The following CADPS2 variants were observed in gnomAD, a reference collection of about 807,000 sequenced individuals.
The protein encoded by CADPS2 is calcium-dependent secretion activator 2.
Under a neutral mutation model 172.5 loss-of-function variants are expected in CADPS2, and 93 were observed. The ratio of observed to expected loss-of-function variants is 0.54; its 90% CI spans 0.46 to 0.64. CADPS2 has a LOEUF of 0.64. CADPS2 is among the 30% of genes least tolerant of loss of function. CADPS2 has a pLI of 0.00. For missense variants in CADPS2, 1,420 were observed against 1,565.9 expected, an observed-to-expected ratio of 0.91 and a Z score of 1.57; for synonymous variants, 546 against 555.2, an observed-to-expected ratio of 0.98 and a Z score of 0.23.
chr7:122,485,152 T>G (rs1469996522), intron 11 of CADPS2, among the ~76,000 whole-genome samples: 2 of 152,174 alleles, frequency 1.3e-5, no homozygotes, highest in Non-Finnish European at 1.5e-5. Context: ...ATATTAAAAT[T>G]AGGCTAACTA....
intron 1 of CADPS2, among the ~76,000 whole-genome samples, chr7:122,874,239 A>G (rs992404502): frequency 3.9e-5 from 6 of 152,094 alleles, no homozygotes; most frequent in South Asian, 2.1e-4. Flanking sequence ...GCCCTTGCCT[A>G]TGTCCTGACA....
chr7:122,600,376 A>G (rs1036016121), intron 6 of CADPS2, among the ~76,000 whole-genome samples: 1 of 152,114 alleles, frequency 6.6e-6, no homozygotes, highest in Non-Finnish European at 1.5e-5. Flanking sequence ...AAACTGAGCC[A>G]TGAAACAGTC....
chr7:122,633,936 A>G (rs1434701205), intron 3 of CADPS2, among the ~76,000 whole-genome samples: 2 of 152,154 alleles, frequency 1.3e-5, no homozygotes, highest in African/African-American at 2.4e-5. Context: ...TTCTGCATCT[A>G]TTGAGATTAC....
intron 1 of CADPS2, among the ~76,000 whole-genome samples, chr7:122,840,700 G>A (rs1009479088): frequency 1.3e-5 from 2 of 152,048 alleles, no homozygotes; most frequent in African/African-American, 2.4e-5. Flanking sequence ...AAGATATCCT[G>A]AGCCCAGAAA....
chr7:122,754,633 C>G (rs1415814530), intron 1 of CADPS2, among the ~76,000 whole-genome samples: 1 of 152,046 alleles, frequency 6.6e-6, no homozygotes, highest in Non-Finnish European at 1.5e-5. Context: ...CCCACCATCA[C>G]GCCCGGCGAA....
chr7:122,852,639 G>A (rs1326034437), intron 1 of CADPS2, among the ~76,000 whole-genome samples: 1 of 152,174 alleles, frequency 6.6e-6, no homozygotes, highest in Admixed American at 6.6e-5. Flanking sequence ...TGAAGGCAAA[G>A]GTAGGAACAT....
Position 122,783,428 on chromosome 7 carries a change from G to T in CADPS2, c.340-46360C>A, listed in dbSNP as rs917220100. 5.9e-5 allele frequency among the ~76,000 whole-genome samples: 9 copies of T among 151,954 alleles called. 1 individual carries two copies. Among genetic ancestry groups the T allele is most frequent in the Admixed American group, 4.6e-4 (7 of 15,254 alleles). ...TGATCAAGTTACTATTTTTCCTGCC[G>T]CAGCGTTCCTCACATGGGGCACCAA... On this transcript the variant is annotated intron_variant, in intron 1 of 29. Transcript: ENST00000449022.
chr7:122,836,765 C>A (rs893210486), intron 1 of CADPS2, among the ~76,000 whole-genome samples: 3 of 152,140 alleles, frequency 2.0e-5, no homozygotes, highest in Admixed American at 6.5e-5. Context: ...CAGGAGCACC[C>A]AGATTCATAA....
intron 2 of CADPS2, among the ~76,000 whole-genome samples, chr7:122,699,478 G>A (rs780109841): frequency 2.6e-5 from 4 of 152,110 alleles, no homozygotes; most frequent in South Asian, 2.1e-4. Flanking sequence ...TGCAGTGACC[G>A]GATGTGAGGC....
intron 1 of CADPS2, among the ~76,000 whole-genome samples, chr7:122,854,234 C>A (rs1011539141): frequency 6.6e-6 from 1 of 151,930 alleles, no homozygotes; most frequent in Non-Finnish European, 1.5e-5. Context: ...GTGGGTGACT[C>A]GTGCCTGTAG....
intron 1 of CADPS2, among the ~76,000 whole-genome samples, chr7:122,876,018 C>T (rs1821105030): frequency 6.6e-6 from 1 of 151,826 alleles, no homozygotes; most frequent in African/African-American, 2.4e-5. Context: ...ACAGATATAA[C>T]TTAAAAAAAA....
chr7:122,821,879 A>G (rs1329728547), intron 1 of CADPS2, among the ~76,000 whole-genome samples: 2 of 151,598 alleles, frequency 1.3e-5, no homozygotes, highest in African/African-American at 4.8e-5. Flanking sequence ...TCGGAATGCT[A>G]CAGGGTACAG....
At chr7:122,482,610 C>T (rs556129329) in intron 11 of CADPS2, among the ~76,000 whole-genome samples, 8 of 152,244 alleles carry the variant, frequency 5.3e-5, no homozygotes, top group South Asian at 2.1e-4. Flanking sequence ...AAACGCTGCA[C>T]GTTGGGCAAC....
chr7:122,615,788 T>G (rs896176092), intron 5 of CADPS2, among the ~76,000 whole-genome samples: 20 of 152,222 alleles, frequency 1.3e-4, no homozygotes, highest in Admixed American at 4.6e-4. Flanking sequence ...TATTCACTTA[T>G]TTGAGATTAC....
chr7:122,500,261 C>T (rs1488188721), intron 9 of CADPS2, among the ~76,000 whole-genome samples: 1 of 152,108 alleles, frequency 6.6e-6, no homozygotes, highest in East Asian at 1.9e-4. Context: ...GACTCAGTGT[C>T]TTCATAATAC....
In CADPS2 at chr7:122,341,657, C is replaced by T. The variant is rs184595849; in HGVS notation, c.3612+3917G>A. Reference sequence around the variant, plus strand: ...CATAGACTTTGAAACTTGAGAAATACGATTTCAAAGTTTGACTCAACAATC... The same window carrying T: ...CATAGACTTTGAAACTTGAGAAATATGATTTCAAAGTTTGACTCAACAATC... On this transcript the variant is annotated intron_variant, in intron 28 of 29. Coordinates refer to ENST00000449022, the MANE Select transcript of CADPS2 (RefSeq NM_017954.11). 8.5e-5 allele frequency among the ~76,000 whole-genome samples: 13 copies of T among 152,192 alleles called. No individual in the cohort carries two copies. The East Asian group carries it at 2.3e-3, about 27-fold the overall frequency.
At chr7:122,534,363 C>T (rs2062039697) in intron 8 of CADPS2, among the ~76,000 whole-genome samples, 1 of 152,074 alleles carries the variant, frequency 6.6e-6, no homozygotes, top group South Asian at 2.1e-4. Context: ...TGCCTCCCAA[C>T]ATAGTCTCTA....
chr7:122,507,871 T>C (rs1004948555), intron 9 of CADPS2, among the ~76,000 whole-genome samples: 2 of 152,086 alleles, frequency 1.3e-5, no homozygotes, highest in African/African-American at 4.8e-5. Context: ...TTTTCTGCCA[T>C]GAGGGTAAGG....
At chr7:122,881,233 A>T (rs532135823) in intron 1 of CADPS2, among the ~76,000 whole-genome samples, 5 of 152,336 alleles carry the variant, frequency 3.3e-5, no homozygotes, top group Non-Finnish European at 7.4e-5. Flanking sequence ...AAAACACACC[A>T]TTAAAATATT....
Sources: gnomAD v4.1 joint callset for allele counts (sites outside exome capture counted in the v4.1 genomes callset) on GRCh38, gnomAD v4.1.1 for gene constraint, MANE v1.5 for transcripts, NCBI Gene and HGNC (gene_info 2026-07-23, HGNC 2026-07-21) for gene names.